AKT3: variants seen among roughly 807,000 people sequenced by gnomAD.
AKT3 encodes AKT serine/threonine kinase 3.
Under a neutral mutation model 65.3 loss-of-function variants are expected in AKT3, and 15 were observed. That is an observed-to-expected ratio of 0.23 (90% CI 0.15 to 0.35). The LOEUF is 0.35. Ranked by LOEUF, AKT3 falls within the 10% of genes least tolerant of loss-of-function variation. The pLI is 1.00. For synonymous variants in AKT3, 206 were observed against 183.8 expected, an observed-to-expected ratio of 1.12 and a Z score of -0.98; for missense variants, 243 against 576.5, an observed-to-expected ratio of 0.42 and a Z score of 5.92.
chr1:243,768,134 C>A (rs1689947484), intron 2 of AKT3, among the ~76,000 whole-genome samples: 1 of 150,360 alleles, frequency 6.7e-6, no homozygotes, highest in Non-Finnish European at 1.5e-5. Context: ...CTGTTTTCCC[C>A]AGAAGCTAGG....
At chr1:243,525,323 A>T (rs1670972533) in intron 12 of AKT3, among the ~76,000 whole-genome samples, 1 of 152,150 alleles carries the variant, frequency 6.6e-6, no homozygotes, top group Non-Finnish European at 1.5e-5. Context: ...GGCACAAAAT[A>T]CCAGTCACAA....
At chr1:243,559,882 T>C (rs1470546819) in intron 10 of AKT3, among the ~76,000 whole-genome samples, 2 of 152,126 alleles carry the variant, frequency 1.3e-5, no homozygotes, top group Non-Finnish European at 2.9e-5. Context: ...AATGGTAATG[T>C]ACTAGAAATT....
At chr1:243,527,880 C>T (rs949797262) in intron 12 of AKT3, among the ~76,000 whole-genome samples, 19 of 42,850 alleles carry the variant, frequency 4.4e-4, no homozygotes, top group African/African-American at 2.4e-3. Flanking sequence ...AACACACACA[C>T]ACACACACAC....
intron 8 of AKT3, among the ~76,000 whole-genome samples, chr1:243,574,678 T>C (rs1371050739): frequency 6.6e-6 from 1 of 152,156 alleles, no homozygotes; most frequent in African/African-American, 2.4e-5. Context: ...TAGATATATA[T>C]TATCAATGTA....
At chr1:243,539,142 A>G (rs931492216) in intron 12 of AKT3, among the ~76,000 whole-genome samples, 1 of 152,076 alleles carries the variant, frequency 6.6e-6, no homozygotes, top group African/African-American at 2.4e-5. Flanking sequence ...ATGAGATTGA[A>G]TTGCATGGGC....
At chr1:243,579,705 T>C (rs542060897) in intron 8 of AKT3, among the ~76,000 whole-genome samples, 1 of 152,308 alleles carries the variant, frequency 6.6e-6, no homozygotes, top group Non-Finnish European at 1.5e-5. Flanking sequence ...AGAAATTGAC[T>C]TATATAACTA....
intron 9 of AKT3, among the ~76,000 whole-genome samples, chr1:243,566,402 G>A (rs1424351566): frequency 6.6e-6 from 1 of 152,096 alleles, no homozygotes; most frequent in African/African-American, 2.4e-5. Context: ...TGCTACAACT[G>A]GGCAGTCCTG....
In AKT3 at chr1:243,786,686, T is replaced by TG. The variant is rs573524393; in HGVS notation, c.46+56438dup. Reference sequence around the variant, plus strand: ...ACTTGAAGTTATTAAAAGCACGGGGTGGGGGGGTGCGCGGTGGAGATGGTA... The same window carrying TG: ...ACTTGAAGTTATTAAAAGCACGGGGTGGGGGGGGTGCGCGGTGGAGATGGTA... On this transcript the variant is annotated intron_variant, in intron 2 of 13. Coordinates refer to ENST00000673466, the MANE Select transcript of AKT3 (RefSeq NM_005465.7). Among the ~76,000 whole-genome samples, 11 of 149,864 alleles carry TG rather than the reference T, an allele frequency of 7.3e-5. No homozygotes were observed. In the East Asian group the frequency reaches 2.0e-3, roughly 27 times the overall value.
At chr1:243,577,100 C>T (rs756922392) in intron 8 of AKT3, among the ~76,000 whole-genome samples, 2 of 152,244 alleles carry the variant, frequency 1.3e-5, no homozygotes, top group African/African-American at 2.4e-5. Context: ...TGATTTTTAA[C>T]AAACCTGACA....
intron 2 of AKT3, among the ~76,000 whole-genome samples, chr1:243,714,880 C>T (rs927460491): frequency 2.0e-5 from 3 of 152,068 alleles, no homozygotes; most frequent in Non-Finnish European, 2.9e-5. Context: ...AGTAAATTCA[C>T]TGTAATGACA....
chr1:243,524,446 G>A (rs1326517939), intron 12 of AKT3, among the ~76,000 whole-genome samples: 1 of 152,128 alleles, frequency 6.6e-6, no homozygotes. Context: ...ATTGTCAAAA[G>A]GTAATGAAAT....
intron 8 of AKT3, among the ~76,000 whole-genome samples, chr1:243,603,547 T>G (rs114854887): frequency 6.6e-6 from 1 of 152,140 alleles, no homozygotes; most frequent in African/African-American, 2.4e-5. Context: ...CCAGGCACCA[T>G]CCTTGGCCAC....
chr1:243,523,936 T>C (rs2148393475), intron 12 of AKT3, among the ~76,000 whole-genome samples: 1 of 152,328 alleles, frequency 6.6e-6, no homozygotes, highest in East Asian at 1.9e-4. Context: ...GGGTCTCTTC[T>C]GAGAAATGCA....
chr1:243,682,307 G>A (rs900929936), intron 3 of AKT3, among the ~76,000 whole-genome samples: 2 of 151,814 alleles, frequency 1.3e-5, no homozygotes, highest in African/African-American at 4.8e-5. Flanking sequence ...ATACAAGAAG[G>A]CAAATTTTTA....
intron 12 of AKT3, among the ~76,000 whole-genome samples, chr1:243,529,472 G>A (rs1182302636): frequency 2.6e-5 from 4 of 152,072 alleles, no homozygotes; most frequent in Non-Finnish European, 5.9e-5. Context: ...TTTTGTATAT[G>A]GTGTAAGAAA....
At chr1:243,822,503 T>A (rs1004813177) in intron 2 of AKT3, among the ~76,000 whole-genome samples, 7 of 150,688 alleles carry the variant, frequency 4.6e-5, no homozygotes, top group African/African-American at 1.5e-4. Flanking sequence ...CTGGTTTTTT[T>A]AAAAAATTAA....
intron 2 of AKT3, among the ~76,000 whole-genome samples, chr1:243,823,160 C>T (rs1693962345): frequency 6.6e-6 from 1 of 151,374 alleles, no homozygotes; most frequent in Admixed American, 6.6e-5. Flanking sequence ...ATTACATCAA[C>T]AGAACTAAAA....
chr1:243,638,569 C>T (rs973765750), intron 5 of AKT3, among the ~76,000 whole-genome samples: 1 of 152,012 alleles, frequency 6.6e-6, no homozygotes, highest in South Asian at 2.1e-4. Flanking sequence ...GGACTTGCCT[C>T]CTTTTGAAAT....
At chr1:243,745,466 A>C (rs763388779) in intron 2 of AKT3, among the ~76,000 whole-genome samples, 3 of 152,212 alleles carry the variant, frequency 2.0e-5, no homozygotes, top group Non-Finnish European at 4.4e-5. Flanking sequence ...ATTTTGGTCA[A>C]TCCTCCTTAT....
Sources: gnomAD v4.1 joint callset for allele counts (sites outside exome capture counted in the v4.1 genomes callset) on GRCh38, gnomAD v4.1.1 for gene constraint, MANE v1.5 for transcripts, NCBI Gene and HGNC (gene_info 2026-07-23, HGNC 2026-07-21) for gene names.